The following NMT2 variants were observed in gnomAD, a reference collection of about 807,000 sequenced individuals.
The protein encoded by NMT2 is glycylpeptide N-tetradecanoyltransferase 2.
A neutral mutation model predicts 65.4 loss-of-function variants in NMT2; 35 were observed. That is an observed-to-expected ratio of 0.54 (90% CI 0.41 to 0.71). NMT2 has a LOEUF of 0.71. Ranked by LOEUF, NMT2 falls within the 30% of genes least tolerant of loss-of-function variation. The pLI is 0.00. For synonymous variants in NMT2, 226 were observed against 231.8 expected, an observed-to-expected ratio of 0.98 and a Z score of 0.23; for missense variants, 489 against 611.3, an observed-to-expected ratio of 0.80 and a Z score of 2.11.
At chr10:15,130,790 T>C (rs1037554593) in intron 6 of NMT2, among the ~76,000 whole-genome samples, 123 of 144,422 alleles carry the variant, frequency 8.5e-4, no homozygotes, top group African/African-American at 2.3e-3. Flanking sequence ...TTCTTTCTTT[T>C]TTTTTTTTTT....
In NMT2 at chr10:15,107,207, A is replaced by G. The variant is rs750253774; in HGVS notation, c.*1988T>C. On this transcript the variant is annotated 3_prime_UTR_variant, in exon 12 of 12. Transcript: ENST00000378165. Reference sequence around the variant, plus strand: ...TGTAATTTGCACATGTCACAAAATGATGTCATTTTTTGGCTTTTTCTCCTC... The same window carrying G: ...TGTAATTTGCACATGTCACAAAATGGTGTCATTTTTTGGCTTTTTCTCCTC... 15 of 292,724 alleles carry G rather than the reference A, an allele frequency of 5.1e-5. No homozygotes were observed. The highest frequency in any genetic ancestry group is 7.1e-5 in the Non-Finnish European group (14 of 197,004). 18.1% of individuals were successfully genotyped at this position (292,724 alleles called of 1,614,324 possible). A position where few individuals can be genotyped will look rare whatever the true frequency, so the allele number is the denominator to read the frequency against.
Position 15,108,736 on chromosome 10 carries a change from C to T in NMT2, c.*459G>A. On this transcript the variant is annotated 3_prime_UTR_variant, in exon 12 of 12. Coordinates refer to ENST00000378165, the MANE Select transcript of NMT2 (RefSeq NM_004808.3). ...CCAGTGATACCATGTAAGGTGATAC[C>T]AGTAAAAAAAATTTCCAAATGGATC... 2.0e-6 allele frequency: 2 copies of T among 1,019,396 alleles called. No homozygotes were observed. Among genetic ancestry groups the T allele is most frequent in the Non-Finnish European group, 2.3e-6 (2 of 853,344 alleles). The allele number at this position is 1,019,396 out of a possible 1,614,324, so 63.1% of individuals were successfully genotyped here.
intron 2 of NMT2, among the ~76,000 whole-genome samples, chr10:15,135,776 G>GT (rs1449318736): frequency 7.3e-6 from 1 of 136,492 alleles, no homozygotes; most frequent in East Asian, 2.4e-4. Flanking sequence ...CACGAGCCTT[G>GT]GGTGGGGGGC....
intron 2 of NMT2, among the ~76,000 whole-genome samples, chr10:15,137,745 C>A (rs1334665160): frequency 6.6e-6 from 1 of 152,048 alleles, no homozygotes; most frequent in Non-Finnish European, 1.5e-5. Context: ...TCCTTGATTT[C>A]TTTCCTGGTT....
rs74123283 is a variant in NMT2 at position 15,105,818 on chromosome 10, A to G, written c.*3377T>C. 0.019 allele frequency among the ~76,000 whole-genome samples: 2,855 copies of G among 152,350 alleles called. 85 individuals are homozygous for G. The highest frequency in any genetic ancestry group is 0.064 in the African/African-American group (2,681 of 41,582). On this transcript the variant is annotated 3_prime_UTR_variant, in exon 12 of 12. Coordinates refer to ENST00000378165, the MANE Select transcript of NMT2 (RefSeq NM_004808.3). ...AGCTACTTCATAAGCAAGCAGTTTA[A>G]TTCTCGAAAATGTTAATTAGTAATC...
intron 8 of NMT2, among the ~76,000 whole-genome samples, chr10:15,125,337 C>A (rs1267433912): frequency 6.6e-6 from 1 of 152,196 alleles, no homozygotes; most frequent in Non-Finnish European, 1.5e-5. Flanking sequence ...AGTCTGGTTT[C>A]ATAATACACG....
At chr10:15,167,794 G>A (rs1412138266) in intron 1 of NMT2, among the ~76,000 whole-genome samples, 1 of 152,204 alleles carries the variant, frequency 6.6e-6, no homozygotes, top group African/African-American at 2.4e-5. Context: ...ATCGAGTTTT[G>A]GAGATCAAAT....
rs768576530 is a variant in NMT2 at position 15,141,410 on chromosome 10, C to T, written c.246+12G>A. ...AAACCACACAGAGGAAAAAATAAAA[C>T]AGAGCTCTCACTTTCGAAGGCTGCT... On this transcript the variant is annotated intron_variant, in intron 2 of 11. Transcript: ENST00000378165. 8 of 1,613,416 alleles carry T rather than the reference C, an allele frequency of 5.0e-6. No homozygotes were observed. The South Asian group carries it at 6.6e-5, about 13-fold the overall frequency.
chr10:15,107,369 C>G lies in NMT2; in HGVS notation c.*1826G>C. On this transcript the variant is annotated 3_prime_UTR_variant, in exon 12 of 12. Transcript: ENST00000378165. ...ATGATTGGTTTCACTGGACTCATAA[C>G]TTGAAGGAAATGCCATCATGTCTAA... 2 of 985,464 alleles carry G rather than the reference C, an allele frequency of 2.0e-6. No homozygotes were observed. Among genetic ancestry groups the G allele is most frequent in the Non-Finnish European group, 2.4e-6 (2 of 829,940 alleles). 61.0% of individuals were successfully genotyped at this position (985,464 alleles called of 1,614,324 possible).
intron 2 of NMT2, among the ~76,000 whole-genome samples, chr10:15,137,383 G>C (rs1846550080): frequency 6.6e-6 from 1 of 151,976 alleles, no homozygotes; most frequent in Non-Finnish European, 1.5e-5. Flanking sequence ...AAATCATAAA[G>C]GTCCTATCTT....
chr10:15,140,450 C>T (rs1354028986), intron 2 of NMT2, among the ~76,000 whole-genome samples: 2 of 151,504 alleles, frequency 1.3e-5, no homozygotes, highest in Non-Finnish European at 2.9e-5. Context: ...TTTGTAGGTA[C>T]GATCATCAAA....
chr10:15,109,076 T>G lies in NMT2; in HGVS notation c.*119A>C, dbSNP rs1845416264. The stretch of plus-strand genomic sequence containing the variant: ...GTGGACTTTTGTCATCTTTTCTGAT[T>G]ATCGACTACTTCAATTTCACTTGAG... On this transcript the variant is annotated 3_prime_UTR_variant, in exon 12 of 12. Transcript: ENST00000378165. 6.5e-7 allele frequency: 1 copy of G among 1,532,404 alleles called. No homozygotes were observed. Among genetic ancestry groups the G allele is most frequent in the South Asian group, 1.2e-5 (1 of 80,536 alleles). The allele number at this position is 1,532,404 out of a possible 1,614,324, so 94.9% of individuals were successfully genotyped here.
chr10:15,132,295 T>G (rs1846312831), intron 6 of NMT2, among the ~76,000 whole-genome samples: 1 of 152,172 alleles, frequency 6.6e-6, no homozygotes, highest in Non-Finnish European at 1.5e-5. Context: ...TCTTTACTAC[T>G]TAATAAATTT....
At chr10:15,141,382 G>A (rs1485340950) in intron 2 of NMT2, 40 bp downstream of exon 2, 13 of 1,611,004 alleles carry the variant, frequency 8.1e-6, no homozygotes, top group Admixed American at 5.1e-5. Context: ...ACTCATGCAC[G>A]AGAAACCACA....
chr10:15,144,654 C>T (rs1197937013), intron 1 of NMT2, among the ~76,000 whole-genome samples: 1 of 152,116 alleles, frequency 6.6e-6, no homozygotes, highest in Non-Finnish European at 1.5e-5. Context: ...TGGCGTGAAC[C>T]CGGGAAGCGG....
chr10:15,107,746 C>T lies in NMT2; in HGVS notation c.*1449G>A. 10 of 984,640 alleles carry T rather than the reference C, an allele frequency of 1.0e-5. No individual in the cohort carries two copies. The highest frequency in any genetic ancestry group is 1.2e-5 in the Non-Finnish European group (10 of 829,528). 61.0% of individuals were successfully genotyped at this position (984,640 alleles called of 1,614,324 possible). A position where few individuals can be genotyped will look rare whatever the true frequency, so the allele number is the denominator to read the frequency against. ...CTGGGATTACAGGCGTGAGCCACCA[C>T]ACCCAGCCAAGGCATCTACTTTGTG... On this transcript the variant is annotated 3_prime_UTR_variant, in exon 12 of 12. Transcript: ENST00000378165.
At chr10:15,138,004 C>CTTTTTTTTTTTTT (rs374744946) in intron 2 of NMT2, among the ~76,000 whole-genome samples, 23 of 128,136 alleles carry the variant, frequency 1.8e-4, no homozygotes, top group Non-Finnish European at 2.6e-4. Flanking sequence ...TCTTCTTCTT[C>CTTTTTTTTTTTTT]TTTTTTTTTT....
At chr10:15,141,829 G>A (rs1002055382) in intron 1 of NMT2, among the ~76,000 whole-genome samples, 1 of 152,204 alleles carries the variant, frequency 6.6e-6, no homozygotes, top group Non-Finnish European at 1.5e-5. Context: ...TATAACTGAA[G>A]TAAAATAGTT....
chr10:15,144,771 A>T (rs1846905018), intron 1 of NMT2, among the ~76,000 whole-genome samples: 1 of 151,974 alleles, frequency 6.6e-6, no homozygotes, highest in South Asian at 2.1e-4. Flanking sequence ...GAGGATGGAG[A>T]GACGCTGGAA....
Sources: gnomAD v4.1 joint callset for allele counts (sites outside exome capture counted in the v4.1 genomes callset) on GRCh38, gnomAD v4.1.1 for gene constraint, MANE v1.5 for transcripts, NCBI Gene and HGNC (gene_info 2026-07-23, HGNC 2026-07-21) for gene names.